Variants in CSMD3 observed in about 807,000 individuals in gnomAD.
CSMD3 encodes CUB and sushi domain-containing protein 3.
Under a neutral mutation model 435.2 loss-of-function variants are expected in CSMD3, and 177 were observed. That is an observed-to-expected ratio of 0.41 (90% CI 0.36 to 0.46). The LOEUF (loss-of-function observed/expected upper bound fraction) is 0.46, where lower values mean the gene tolerates loss of function less well. Among genes scored for constraint, CSMD3 ranks in the 20% least tolerant of loss-of-function variants. The pLI is 0.34. For synonymous variants in CSMD3, 1,656 were observed against 1,520.5 expected, an observed-to-expected ratio of 1.09 and a Z score of -2.07; for missense variants, 4,265 against 4,504.6, an observed-to-expected ratio of 0.95 and a Z score of 1.52.
At chr8:113,274,211 A>G (rs1312291625) in intron 3 of CSMD3, among the ~76,000 whole-genome samples, 1 of 152,064 alleles carries the variant, frequency 6.6e-6, no homozygotes, top group African/African-American at 2.4e-5. Context: ...TTTTTTTGCT[A>G]TTAATGGATA....
chr8:112,751,066 C>T (rs1467745221), intron 13 of CSMD3, among the ~76,000 whole-genome samples: 1 of 68,770 alleles, frequency 1.5e-5, no homozygotes, highest in Non-Finnish European at 2.7e-5. Flanking sequence ...AGTATAGTAG[C>T]TTTGTATTAA....
At chr8:112,462,982 G>T (rs1037756617) in intron 32 of CSMD3, among the ~76,000 whole-genome samples, 1 of 152,198 alleles carries the variant, frequency 6.6e-6, no homozygotes, top group Non-Finnish European at 1.5e-5. Flanking sequence ...TTGGCAGTTT[G>T]CCTTGCTCTC....
At chr8:112,958,809 G>C (rs2084127556) in intron 7 of CSMD3, among the ~76,000 whole-genome samples, 1 of 152,128 alleles carries the variant, frequency 6.6e-6, no homozygotes, top group Non-Finnish European at 1.5e-5. Flanking sequence ...CTTTGTAAGT[G>C]TAACTTGAGA....
At chr8:113,344,736 G>A (rs1588561800) in intron 1 of CSMD3, among the ~76,000 whole-genome samples, 1 of 152,096 alleles carries the variant, frequency 6.6e-6, no homozygotes, top group African/African-American at 2.4e-5. Context: ...AAATCCATAA[G>A]TGAGCCACTC....
intron 13 of CSMD3, among the ~76,000 whole-genome samples, chr8:112,707,827 T>A (rs1243776896): frequency 1.3e-5 from 2 of 152,250 alleles, no homozygotes; most frequent in African/African-American, 4.8e-5. Flanking sequence ...AAGAACTCTA[T>A]AATTTTAAAA....
At chr8:112,829,611 T>C (rs2132476600) in intron 12 of CSMD3, 75 bp downstream of exon 12, 5 of 832,894 alleles carry the variant, frequency 6.0e-6, no homozygotes, top group Non-Finnish European at 1.0e-5. Flanking sequence ...GCGATCAATG[T>C]AAAACAATAA....
intron 12 of CSMD3, among the ~76,000 whole-genome samples, chr8:112,822,924 G>A (rs984524076): frequency 2.0e-5 from 3 of 152,108 alleles, no homozygotes; most frequent in Non-Finnish European, 2.9e-5. Context: ...TCTCTTTTGT[G>A]ATGGATTACA....
Position 112,573,635 on chromosome 8 carries a change from G to C in CSMD3, c.3908C>G (p.Thr1303Arg). 1 of 1,611,964 alleles carries C rather than the reference G, an allele frequency of 6.2e-7. No individual in the cohort carries two copies. Among genetic ancestry groups the C allele is most frequent in the Non-Finnish European group, 8.5e-7 (1 of 1,178,358 alleles). ...VLKIYDGKDKTTHLLGAFTGA... is the reference protein window; with the variant it reads ...VLKIYDGKDKRTHLLGAFTGA... ...AGTAAAAGCACCTAGTAGATGAGTCGTTTTATCTTTTCCATCATAAATCTG... is the reference window on the plus strand; with the variant it reads ...AGTAAAAGCACCTAGTAGATGAGTCCTTTTATCTTTTCCATCATAAATCTG... Residue 1303 changes from threonine (T) to arginine (R), a missense_variant, in exon 24 of 71, where the codon ACG becomes AGG. Physicochemically the swap from Thr to Arg is moderately conservative, Grantham distance 71 (BLOSUM62 -1). Around this residue, in one of 3 missense-constraint regions of CSMD3, gnomAD observed 3,255 missense variants for 3,380.2 expected, o/e 0.96. Transcript: ENST00000297405.
At chr8:112,239,649 G>A (rs1813928915) in intron 66 of CSMD3, among the ~76,000 whole-genome samples, 1 of 152,000 alleles carries the variant, frequency 6.6e-6, no homozygotes, top group African/African-American at 2.4e-5. Context: ...GTTCTAGTAA[G>A]ATGTAGTGTT....
Position 113,098,791 on chromosome 8 carries a change from G to A in CSMD3, c.882C>T (p.Tyr294=), listed in dbSNP as rs1171320445. 4 of 1,612,086 alleles carry A rather than the reference G, an allele frequency of 2.5e-6. No homozygotes were observed. The Admixed American group carries it at 6.7e-5, about 27-fold the overall frequency. The part of the protein sequence containing the change: ...TDFQMEEKYD[Y]LEIEGSEPPT... The stretch of plus-strand genomic sequence containing the variant: ...GTGGCTCAGAACCTTCTATTTCTAA[G>A]TAATCATATTTCTCTTCCATTTGAA... The change falls in exon 5 of 71, where the codon TAC becomes TAT. Residue 294 remains tyrosine (Y), a synonymous_variant. Transcript: ENST00000297405.
chr8:113,255,927 A>G (rs1213064043), intron 3 of CSMD3, among the ~76,000 whole-genome samples: 1 of 152,036 alleles, frequency 6.6e-6, no homozygotes, highest in Non-Finnish European at 1.5e-5. Flanking sequence ...ATTAAAGGAG[A>G]AATAAAGTAA....
intron 1 of CSMD3, among the ~76,000 whole-genome samples, chr8:113,355,196 T>C (rs1563736976): frequency 6.6e-6 from 1 of 152,092 alleles, no homozygotes; most frequent in African/African-American, 2.4e-5. Context: ...AACTTGAAAA[T>C]TCTATCTATA....
chr8:112,494,083 T>G (rs1586507154), intron 30 of CSMD3, among the ~76,000 whole-genome samples: 1 of 152,196 alleles, frequency 6.6e-6, no homozygotes, highest in East Asian at 1.9e-4. Flanking sequence ...TTTCTTTCAT[T>G]CATAAAAGTT....
intron 4 of CSMD3, among the ~76,000 whole-genome samples, chr8:113,124,207 G>T (rs2131646469): frequency 6.6e-6 from 1 of 152,010 alleles, no homozygotes; most frequent in Non-Finnish European, 1.5e-5. Flanking sequence ...GCAAGAGTGG[G>T]GTAAGGATAA....
At chr8:112,979,354 G>C (rs542107309) in intron 6 of CSMD3, among the ~76,000 whole-genome samples, 11 of 151,670 alleles carry the variant, frequency 7.3e-5, no homozygotes, top group African/African-American at 2.7e-4. Context: ...TTACCATACA[G>C]TTATGTCATA....
intron 27 of CSMD3, among the ~76,000 whole-genome samples, chr8:112,536,546 T>C (rs1026821693): frequency 2.6e-5 from 4 of 152,088 alleles, no homozygotes; most frequent in Non-Finnish European, 5.9e-5. Context: ...TGTGGAGAAA[T>C]AGGAACACTT....
chr8:112,746,612 C>T (rs2077431444), intron 13 of CSMD3, among the ~76,000 whole-genome samples: 1 of 150,572 alleles, frequency 6.6e-6, no homozygotes, highest in South Asian at 2.1e-4. Flanking sequence ...TTCTTTATGG[C>T]TGTTTTATTA....
intron 9 of CSMD3, among the ~76,000 whole-genome samples, chr8:112,929,584 A>G (rs191579594): frequency 6.6e-6 from 1 of 152,160 alleles, no homozygotes; most frequent in Non-Finnish European, 1.5e-5. Context: ...TGTCTTAATT[A>G]AACAATTTTT....
intron 3 of CSMD3, among the ~76,000 whole-genome samples, chr8:113,267,212 T>C (rs910165510): frequency 1.3e-5 from 2 of 151,550 alleles, no homozygotes; most frequent in African/African-American, 4.8e-5. Context: ...AAACTAAAAA[T>C]AGAATTACCA....
Sources: allele counts gnomAD v4.1 joint callset (sites outside exome capture counted in the v4.1 genomes callset), GRCh38; gene constraint gnomAD v4.1.1; regional missense constraint gnomAD v4.1.1; transcripts MANE v1.5; gene names NCBI Gene and HGNC (gene_info 2026-07-23, HGNC 2026-07-21).